COP1: variants seen among roughly 807,000 people sequenced by gnomAD.
The protein encoded by COP1 is E3 ubiquitin-protein ligase COP1.
Under a neutral mutation model 101.3 loss-of-function variants are expected in COP1, and 24 were observed. The ratio of observed to expected loss-of-function variants is 0.24; its 90% CI spans 0.17 to 0.33. The LOEUF is 0.33. Among genes scored for constraint, COP1 ranks in the 10% least tolerant of loss-of-function variants. The pLI is 1.00. For missense variants in COP1, 663 were observed against 906.2 expected, an observed-to-expected ratio of 0.73 and a Z score of 3.45; for synonymous variants, 347 against 341.9, an observed-to-expected ratio of 1.01 and a Z score of -0.17.
chr1:176,086,868 G>T (rs1318320867), intron 9 of COP1, among the ~76,000 whole-genome samples: 1 of 152,108 alleles, frequency 6.6e-6, no homozygotes, highest in Non-Finnish European at 1.5e-5. Context: ...ATACTACAAG[G>T]CTACAGTAAC....
intron 19 of COP1, 117 bp from the exon 20 acceptor site, chr1:175,945,287 T>A: frequency 1.4e-6 from 1 of 698,120 alleles, no homozygotes; most frequent in Non-Finnish European, 2.4e-6. Context: ...GTTTCCCAAC[T>A]GGGAAAATGC....
intron 9 of COP1, among the ~76,000 whole-genome samples, chr1:176,098,052 T>C (rs887220025): frequency 9.2e-5 from 14 of 152,130 alleles, no homozygotes; most frequent in South Asian, 2.1e-4. Flanking sequence ...AAAATGTAAA[T>C]AGGTAAACTA....
At chr1:176,165,386 GTGTGTGTGT>G (rs1558240695) in intron 3 of COP1, among the ~76,000 whole-genome samples, 62 of 150,612 alleles carry the variant, frequency 4.1e-4, no homozygotes, top group Admixed American at 2.5e-3. Context: ...GTGTGTGTGT[GTGTGTGTGT>G]GTGTGTGTGT....
intron 18 of COP1, among the ~76,000 whole-genome samples, chr1:175,949,584 A>G (rs780856567): frequency 1.2e-4 from 19 of 152,244 alleles, no homozygotes; most frequent in Non-Finnish European, 2.8e-4. Context: ...AACATCATCC[A>G]GAAAAGCAGT....
chr1:176,053,387 C>T, intron 11 of COP1, among the ~76,000 whole-genome samples: 1 of 152,200 alleles, frequency 6.6e-6, no homozygotes, highest in South Asian at 2.1e-4. Context: ...CAATATGTGT[C>T]CTTGATGCTC....
At chr1:175,960,978 G>A (rs1191389468) in intron 18 of COP1, among the ~76,000 whole-genome samples, 2 of 152,158 alleles carry the variant, frequency 1.3e-5, no homozygotes, top group Non-Finnish European at 2.9e-5. Context: ...CTGGGGGCCT[G>A]GATAGACAAA....
chr1:176,070,324 C>G (rs1253247051), intron 11 of COP1, among the ~76,000 whole-genome samples: 1 of 149,620 alleles, frequency 6.7e-6, no homozygotes, highest in Non-Finnish European at 1.5e-5. Context: ...CCTATTGCCA[C>G]TTGTGCTGCC....
At chr1:176,055,150 C>A (rs1673225691) in intron 11 of COP1, among the ~76,000 whole-genome samples, 1 of 152,014 alleles carries the variant, frequency 6.6e-6, no homozygotes, top group Non-Finnish European at 1.5e-5. Context: ...TAAAGCATCC[C>A]AGGCTGGGTG....
At chr1:176,085,917 C>A (rs1680047880) in intron 9 of COP1, 27 bp from the exon 10 acceptor site, 1 of 1,317,006 alleles carries the variant, frequency 7.6e-7, no homozygotes, top group East Asian at 2.3e-5. Flanking sequence ...AGACACAAAA[C>A]TTAGAATAAA....
chr1:176,052,689 A>G (rs906395376), intron 11 of COP1, among the ~76,000 whole-genome samples: 1 of 152,198 alleles, frequency 6.6e-6, no homozygotes, highest in Non-Finnish European at 1.5e-5. Context: ...ACTCTTGCCA[A>G]ATAAGTACCC....
At chr1:176,005,246 C>T (rs1225517349) in intron 15 of COP1, among the ~76,000 whole-genome samples, 2 of 151,886 alleles carry the variant, frequency 1.3e-5, no homozygotes, top group Non-Finnish European at 2.9e-5. Context: ...TCTCTCTTTT[C>T]TTCTTTATTA....
chr1:175,981,929 C>A (rs1246801797), intron 18 of COP1, among the ~76,000 whole-genome samples: 1 of 152,066 alleles, frequency 6.6e-6, no homozygotes, highest in Non-Finnish European at 1.5e-5. Context: ...ATTAAAACCA[C>A]AATGAGGTAT....
At chr1:176,026,718 C>T (rs764713767) in intron 15 of COP1, among the ~76,000 whole-genome samples, 39 of 151,830 alleles carry the variant, frequency 2.6e-4, no homozygotes, top group Admixed American at 2.5e-3. Context: ...TATGCATTTC[C>T]TTTTTTTAAA....
chr1:176,132,523 A>G lies in COP1; in HGVS notation c.968+2487T>C, dbSNP rs916387146. 2.0e-5 allele frequency among the ~76,000 whole-genome samples: 3 copies of G among 148,746 alleles called. No homozygotes were observed. In the East Asian group the frequency reaches 5.8e-4, roughly 29 times the overall value. ...GGTATGTATGTGTGTGTGTATATAC[A>G]CACACACATATATGAATATATACAC... is the stretch of plus-strand genomic sequence containing the variant. On this transcript the variant is annotated intron_variant, in intron 8 of 19. Transcript: ENST00000367669.
intron 11 of COP1, among the ~76,000 whole-genome samples, chr1:176,059,854 T>C (rs907072363): frequency 6.6e-6 from 1 of 152,182 alleles, no homozygotes; most frequent in African/African-American, 2.4e-5. Flanking sequence ...AATTTTCACA[T>C]GTCACAAAGT....
chr1:176,075,801 G>A lies in COP1; in HGVS notation c.1277+5351C>T, dbSNP rs561629718. ...AGGTGGATCAAGAGGTCAGGAGTTC[G>A]AGACCAGCCTGGCCAACATAATGAA... On this transcript the variant is annotated intron_variant, in intron 11 of 19. Transcript: ENST00000367669. Among the ~76,000 whole-genome samples the A allele has an allele frequency of 2.6e-5, 4 of 151,972 alleles. No homozygotes were observed. The East Asian group carries it at 5.8e-4, about 22-fold the overall frequency.
chr1:176,077,510 T>G (rs1678266743), intron 11 of COP1, among the ~76,000 whole-genome samples: 1 of 152,052 alleles, frequency 6.6e-6, no homozygotes. Context: ...CCCAAAATAG[T>G]AAGAGTCATC....
chr1:176,040,481 T>G (rs1670330842), intron 14 of COP1, among the ~76,000 whole-genome samples: 2 of 152,046 alleles, frequency 1.3e-5, no homozygotes, highest in Non-Finnish European at 2.9e-5. Context: ...CACGCCCAGG[T>G]AATTTTTAAA....
At chr1:176,040,145 A>G (rs1030690165) in intron 14 of COP1, among the ~76,000 whole-genome samples, 10 of 152,252 alleles carry the variant, frequency 6.6e-5, no homozygotes, top group African/African-American at 2.4e-4. Flanking sequence ...GAACACTATA[A>G]AAAAACTAAA....
Sources: gnomAD v4.1 joint callset for allele counts (sites outside exome capture counted in the v4.1 genomes callset) on GRCh38, gnomAD v4.1.1 for gene constraint, MANE v1.5 for transcripts, NCBI Gene and HGNC (gene_info 2026-07-23, HGNC 2026-07-21) for gene names.